Variants in MAP2 observed in about 807,000 individuals in gnomAD.
MAP2 encodes microtubule associated protein 2.
Under a neutral mutation model 137.6 loss-of-function variants are expected in MAP2, and 14 were observed. The ratio of observed to expected loss-of-function variants is 0.10; its 90% confidence interval spans 0.07 to 0.16. The LOEUF (loss-of-function observed/expected upper bound fraction) is 0.16, where lower values mean the gene tolerates loss of function less well. Among genes scored for constraint, MAP2 ranks in the 10% least tolerant of loss-of-function variants. The probability of loss-of-function intolerance (pLI) is 1.00; values close to 1 mark genes in which losing one functional copy is unlikely to be tolerated. For synonymous variants in MAP2, 786 were observed against 782.3 expected (o/e 1.00, Z -0.08); for missense variants, 2,088 against 2,191.5 (o/e 0.95, Z 0.94).
intron 2 of MAP2, among the ~76,000 whole-genome samples, chr2:209,535,597 C>T (rs1177267911): frequency 2.0e-5 from 3 of 149,774 alleles, no homozygotes; most frequent in Admixed American, 1.3e-4. Flanking sequence ...TGATCAATGG[C>T]TGTGAAATAA....
intron 1 of MAP2, among the ~76,000 whole-genome samples, chr2:209,453,157 A>G (rs1700688194): frequency 6.6e-6 from 1 of 152,182 alleles, no homozygotes; most frequent in South Asian, 2.1e-4. Flanking sequence ...TTTGTGATTA[A>G]TACCCTGTTA....
At chr2:209,424,297 C>T (rs1409532624) in intron 1 of MAP2, 21 bp downstream of exon 1, 1 of 152,344 alleles carries the variant, frequency 6.6e-6, no homozygotes, top group Non-Finnish European at 1.5e-5. Context: ...GTCCCCACCT[C>T]TGGCTCTATG....
At chr2:209,651,847 T>TA (rs774156034) in intron 4 of MAP2, among the ~76,000 whole-genome samples, 1 of 152,148 alleles carries the variant, frequency 6.6e-6, no homozygotes, top group African/African-American at 2.4e-5. Flanking sequence ...AAAATTCAGT[T>TA]AAAAAACCCC....
rs1272900068 is a variant in MAP2 at position 209,700,233 on chromosome 2, T to C, written c.4523-44T>C. 3.2e-6 allele frequency: 5 copies of C among 1,556,682 alleles called. No homozygotes were observed. In the African/African-American group the frequency reaches 5.4e-5, roughly 17 times the overall value. On this transcript the variant is annotated intron_variant, in intron 10 of 15. Coordinates refer to ENST00000682079, the MANE Select transcript of MAP2 (RefSeq NM_001375505.1). ...GTATTTAAAACTGCATTTATGACTT[T>C]TTAGCAACTAAGTTTGGGGTTGTTT...
intron 7 of MAP2, among the ~76,000 whole-genome samples, chr2:209,692,294 T>A (rs1484839226): frequency 6.6e-6 from 1 of 151,382 alleles, no homozygotes; most frequent in Admixed American, 6.6e-5. Context: ...GCACATGAAT[T>A]TGTTTCTTCT....
intron 7 of MAP2, among the ~76,000 whole-genome samples, chr2:209,681,352 G>A (rs373436491): frequency 2.6e-5 from 4 of 152,096 alleles, no homozygotes; most frequent in African/African-American, 9.7e-5. Flanking sequence ...GTTAATGAAT[G>A]AATCTGATAT....
rs750587053 is a variant in MAP2, at chr2:209,693,444, C to G, written c.1274C>G (p.Thr425Ser). 7 of 1,613,964 alleles carry G rather than the reference C, an allele frequency of 4.3e-6. No homozygotes were observed. Among genetic ancestry groups the G allele is most frequent in the Non-Finnish European group, 5.9e-6 (7 of 1,179,994 alleles). Residue 425 changes from threonine to serine, a missense_variant, in exon 8 of 16, where the codon ACT (threonine) becomes AGT (serine). Physicochemically the swap from Thr to Ser is moderately conservative, Grantham distance 58 (BLOSUM62 1). Around this residue, in one of 6 missense-constraint regions of MAP2, gnomAD observed 859 missense variants for 794.5 expected, o/e 1.08. Transcript: ENST00000682079. ...INQETVQQRD[T>S]FTPSGQEPIL... is the part of the protein sequence containing the mutation. ...CAAGAGACTGTGCAGCAAAGGGATA[C>G]TTTCACCCCCAGTGGACAGGAACCT...
intron 2 of MAP2, among the ~76,000 whole-genome samples, chr2:209,512,924 G>A (rs13027957): frequency 0.058 from 8,808 of 152,154 alleles, 289 homozygotes; most frequent in South Asian, 0.092. Context: ...TGAGATTACA[G>A]GCATGAGACA....
chr2:209,721,105 T>A (rs1461859871), intron 13 of MAP2, among the ~76,000 whole-genome samples: 1 of 152,178 alleles, frequency 6.6e-6, no homozygotes, highest in Non-Finnish European at 1.5e-5. Context: ...TGGTGTGAAG[T>A]AATTTGTAAT....
intron 3 of MAP2, among the ~76,000 whole-genome samples, chr2:209,620,918 G>C (rs2090952266): frequency 6.6e-6 from 1 of 152,086 alleles, no homozygotes; most frequent in Non-Finnish European, 1.5e-5. Context: ...TCGGAGGCCA[G>C]GCTTGGTGGC....
intron 1 of MAP2, among the ~76,000 whole-genome samples, chr2:209,438,023 G>A (rs1332676736): frequency 2.6e-5 from 4 of 151,564 alleles, no homozygotes; most frequent in African/African-American, 9.7e-5. Context: ...TTGCCTAGGT[G>A]CAATTGCAAG....
intron 1 of MAP2, among the ~76,000 whole-genome samples, chr2:209,437,983 A>G (rs1479126892): frequency 6.6e-6 from 1 of 151,656 alleles, no homozygotes; most frequent in Non-Finnish European, 1.5e-5. Flanking sequence ...AGCCATAGGT[A>G]TAGTCAGAAC....
intron 13 of MAP2, among the ~76,000 whole-genome samples, chr2:209,713,356 G>A (rs2066185702): frequency 6.6e-6 from 1 of 152,104 alleles, no homozygotes; most frequent in Non-Finnish European, 1.5e-5. Flanking sequence ...TATCTCTTCT[G>A]TTAAGGTCCA....
At chr2:209,661,351 A>AC in intron 5 of MAP2, 1 of 187,100 alleles carries the variant, frequency 5.3e-6, no homozygotes, top group Non-Finnish European at 1.0e-5. Flanking sequence ...ATCCACACCA[A>AC]CCCCCCAAGC....
intron 1 of MAP2, among the ~76,000 whole-genome samples, chr2:209,432,138 T>G (rs199710384): frequency 5.9e-5 from 9 of 152,134 alleles, no homozygotes; most frequent in Non-Finnish European, 1.0e-4. Context: ...GGTTGAAACT[T>G]TTTTCTCATC....
chr2:209,556,541 C>T (rs553154116), intron 2 of MAP2, among the ~76,000 whole-genome samples: 18 of 152,036 alleles, frequency 1.2e-4, no homozygotes, highest in African/African-American at 4.3e-4. Flanking sequence ...GTAAGTGCTA[C>T]AACTCTGCCC....
At chr2:209,464,213 G>GA (rs887624547) in intron 1 of MAP2, among the ~76,000 whole-genome samples, 2 of 152,002 alleles carry the variant, frequency 1.3e-5, no homozygotes, top group African/African-American at 2.4e-5. Flanking sequence ...TCAGTATAAA[G>GA]AAAAAATTAG....
intron 5 of MAP2, among the ~76,000 whole-genome samples, chr2:209,659,100 AAC>A (rs2042226942): frequency 1.3e-5 from 2 of 152,200 alleles, no homozygotes; most frequent in African/African-American, 4.8e-5. Flanking sequence ...GTGAATTGTG[AAC>A]ACAGTGTTCA....
chr2:209,448,748 G>T (rs556777274), intron 1 of MAP2, among the ~76,000 whole-genome samples: 65 of 152,104 alleles, frequency 4.3e-4, no homozygotes, highest in African/African-American at 1.5e-3. Context: ...TCTTATAAAA[G>T]GTTACTTGTC....
Sources: allele counts gnomAD v4.1 joint callset (sites outside exome capture counted in the v4.1 genomes callset), GRCh38; gene constraint gnomAD v4.1.1; regional missense constraint gnomAD v4.1.1; transcripts MANE v1.5; gene names NCBI Gene and HGNC (gene_info 2026-07-23, HGNC 2026-07-21).